The following SRPK3 variants were observed in gnomAD, a reference collection of about 807,000 sequenced individuals.
SRPK3 encodes the protein SRSF protein kinase 3.
SRPK3 carries 26 observed loss-of-function variants against 45.3 expected under a neutral mutation model. The ratio of observed to expected loss-of-function variants is 0.57; its 90% CI spans 0.42 to 0.80. The LOEUF (loss-of-function observed/expected upper bound fraction) is 0.80. Ranked by LOEUF, SRPK3 falls within the 30% of genes least tolerant of loss-of-function variation. SRPK3 has a pLI of 0.00. For synonymous variants in SRPK3, 254 were observed against 226.6 expected (o/e 1.12, Z -1.09); for missense variants, 536 against 514.5 (o/e 1.04, Z -0.40).
At chrX:153,781,470 C>A (rs1454675157) in intron 2 of SRPK3, 35 bp from the exon 3 acceptor site, 4 of 1,190,602 alleles carry the variant, frequency 3.4e-6, no homozygotes, top group Middle Eastern at 2.6e-4. Context: ...GGAGTGAGAA[C>A]CCCCTCCACC....
In SRPK3 at chrX:153,781,131, C is replaced by A. The variant is rs782623262; in HGVS notation, c.45C>A (p.Gly15=). The part of the protein sequence containing the change: ...TGGGGDSGGS[G]GSSSSSQASC... ...GTGGTGGGGACAGCGGCGGCAGCGGCGGCAGTAGCAGCAGGTAGGGCTCGG... is the reference window on the plus strand; with the variant it reads ...GTGGTGGGGACAGCGGCGGCAGCGGAGGCAGTAGCAGCAGGTAGGGCTCGG... Residue 15 remains glycine, a synonymous_variant, in exon 1 of 15, where the codon GGC becomes GGA. Transcript: ENST00000370101. 5.8e-4 allele frequency: 665 copies of A among 1,153,051 alleles called. 11 individuals carry two copies. The East Asian group carries it at 0.022, about 38-fold the overall frequency.
rs782104598 is a variant in SRPK3, at chrX:153,781,077, C to T, written c.-10C>T. ...CCCGGGGCACCGGAGCTGCGGGCTG[C>T]GTGGCCGGGATGAGCGCCAGCACGG... is the stretch of plus-strand genomic sequence containing the variant. On this transcript the variant is annotated 5_prime_UTR_variant, in exon 1 of 15. Transcript: ENST00000370101. The T allele has an allele frequency of 3.2e-5, 34 of 1,061,128 alleles. No individual in the cohort carries two copies. Among genetic ancestry groups the T allele is most frequent in the Admixed American group, 1.3e-4 (3 of 23,241 alleles). 87.4% of individuals were successfully genotyped at this position (1,061,128 alleles called of 1,213,427 possible).
In SRPK3 at chrX:153,783,881, G is replaced by A; in HGVS notation, c.904G>A (p.Glu302Lys). Residue 302 changes from glutamate (E) to lysine (K), a missense_variant, in exon 9 of 15, where the codon GAG (glutamate) becomes AAG (lysine). Physicochemically the swap from Glu to Lys is moderately conservative, Grantham distance 56 (BLOSUM62 1). Transcript: ENST00000370101. The part of the protein sequence containing the change: ...LEAMEAATQA[E>K]DSGLRLDGGS... The stretch of plus-strand genomic sequence containing the variant: ...GGCCATGGAGGCTGCCACCCAGGCT[G>A]AGGGTGAGGGGCCACAGAGGGTGAT... The A allele has an allele frequency of 8.4e-7, 1 of 1,189,784 alleles. No homozygotes were observed. The highest frequency in any genetic ancestry group is 1.1e-6 in the Non-Finnish European group (1 of 885,118).
intron 9 of SRPK3, 32 bp downstream of exon 9, chrX:153,783,916 A>G (rs2092067854): frequency 8.4e-7 from 1 of 1,190,103 alleles, no homozygotes; most frequent in Non-Finnish European, 1.1e-6. Context: ...TGGGCCGTGG[A>G]GCGCAGCAAA....
chrX:153,781,906 C>T lies in SRPK3; in HGVS notation c.387+76C>T, dbSNP rs782705409. Reference sequence around the variant, plus strand: ...CTGGCAATGCGGGTGCAAGGCCTGCCGGGGCTCTGTGGGGCAGGGCGGGGC... The same window carrying T: ...CTGGCAATGCGGGTGCAAGGCCTGCTGGGGCTCTGTGGGGCAGGGCGGGGC... On this transcript the variant is annotated intron_variant, in intron 4 of 14. Coordinates refer to ENST00000370101, the MANE Select transcript of SRPK3 (RefSeq NM_014370.4). 321 of 1,124,923 alleles carry T rather than the reference C, an allele frequency of 2.9e-4. 2 individuals are homozygous for T. In the African/African-American group the frequency reaches 4.9e-3, roughly 17 times the overall value. 92.7% of individuals were successfully genotyped at this position (1,124,923 alleles called of 1,213,427 possible).
In SRPK3 at chrX:153,782,120, G is replaced by T; in HGVS notation, c.388-1G>T. 1 of 1,210,853 alleles carries T rather than the reference G, an allele frequency of 8.3e-7. No individual in the cohort carries two copies. Among genetic ancestry groups the T allele is most frequent in the Non-Finnish European group, 1.1e-6 (1 of 894,708 alleles). ...CTGTGGCCCCTTGGCTTTTGCTCCA[G>T]GTCCGGGACAGCGACCCCAGTGACC... On this transcript the variant is annotated splice_acceptor_variant, in intron 4 of 14. Transcript: ENST00000370101. LOFTEE classifies it high-confidence loss of function.
At chrX:153,782,530 C>A (rs1557067271) in intron 5 of SRPK3, among the ~76,000 whole-genome samples, 1 of 113,580 alleles carries the variant, frequency 8.8e-6, no homozygotes, top group Non-Finnish European at 1.9e-5. Context: ...GGCCTCTGTG[C>A]CTGCTCCTCC....
chrX:153,784,242 C>T (rs1557068120), intron 10 of SRPK3, 29 bp downstream of exon 10: 6 of 1,210,529 alleles, frequency 5.0e-6, no homozygotes, highest in Non-Finnish European at 6.7e-6. Context: ...GGTGGGCAGG[C>T]AGGGCTGGCA....
rs1269568822 is a variant in SRPK3 at position 153,781,128 on chromosome X, C to T, written c.42C>T (p.Ser14=). The change falls in exon 1 of 15, where the codon AGC becomes AGT. Residue 14 remains serine (S), a synonymous_variant. Coordinates refer to ENST00000370101, the MANE Select transcript of SRPK3 (RefSeq NM_014370.4). The stretch of plus-strand genomic sequence containing the variant: ...GCGGTGGTGGGGACAGCGGCGGCAG[C>T]GGCGGCAGTAGCAGCAGGTAGGGCT... ...STGGGGDSGG[S]GGSSSSSQAS... 9 of 1,150,909 alleles carry T rather than the reference C, an allele frequency of 7.8e-6. No homozygotes were observed. Among genetic ancestry groups the T allele is most frequent in the African/African-American group, 3.6e-5 (2 of 55,474 alleles). The allele number at this position is 1,150,909 out of a possible 1,213,427, so 94.8% of individuals were successfully genotyped here.
At chrX:153,783,727 C>A (rs1557067774) in intron 8 of SRPK3, 25 bp from the exon 9 acceptor site, 2 of 1,208,341 alleles carry the variant, frequency 1.7e-6, no homozygotes, top group Admixed American at 2.2e-5. Context: ...CGACAGGAAC[C>A]CTGGGGTGAC....
rs1557068758 is a variant in SRPK3 at position 153,785,444 on chromosome X, T to A, written c.1628T>A (p.Leu543Gln). Reference protein sequence around the residue: ...EQATQFSAFLLPMMEYIPEKR... With the variant: ...EQATQFSAFLQPMMEYIPEKR... ...GCCACACAGTTCAGCGCCTTTCTGC[T>A]GCCCATGATGGAGTACATCCCCGAA... is the stretch of plus-strand genomic sequence containing the variant. The change falls in exon 15 of 15, where the codon CTG becomes CAG. Residue 543 changes from leucine to glutamine, a missense_variant. By Grantham distance (113) the Leu-to-Gln change is moderately radical. Coordinates refer to ENST00000370101, the MANE Select transcript of SRPK3 (RefSeq NM_014370.4). 2 of 1,210,300 alleles carry A rather than the reference T, an allele frequency of 1.7e-6. No individual in the cohort carries two copies. The highest frequency in any genetic ancestry group is 2.3e-4 in the Middle Eastern group (1 of 4,351).
At chrX:153,783,430 C>T (rs1260149714) in intron 8 of SRPK3, among the ~76,000 whole-genome samples, 179 bp downstream of exon 8, 1 of 112,698 alleles carries the variant, frequency 8.9e-6, no homozygotes, top group African/African-American at 3.2e-5. Context: ...CCCCAAACTG[C>T]TCTTGGTGAA....
intron 5 of SRPK3, 151 bp downstream of exon 5, chrX:153,782,359 A>G: frequency 2.1e-6 from 1 of 478,480 alleles, no homozygotes; most frequent in South Asian, 3.1e-5. Flanking sequence ...CCCCCAGGTA[A>G]CTGTGTTTAC....
chrX:153,783,571 G>A (rs1300194554), intron 8 of SRPK3, among the ~76,000 whole-genome samples, 181 bp from the exon 9 acceptor site: 1 of 112,617 alleles, frequency 8.9e-6, no homozygotes, highest in Non-Finnish European at 1.9e-5. Context: ...GGGGCCACAG[G>A]CGGGGAGGCA....
rs1035907731 is a variant in SRPK3, at chrX:153,784,632, G to A, written c.1249-118G>A. ...CCCTCTTGGAGGACCTGGGGACCCCGAGGCTCACAGCAAACCCCACTGAGC... is the reference window on the plus strand; with the variant it reads ...CCCTCTTGGAGGACCTGGGGACCCCAAGGCTCACAGCAAACCCCACTGAGC... On this transcript the variant is annotated intron_variant, in intron 11 of 14. Coordinates refer to ENST00000370101, the MANE Select transcript of SRPK3 (RefSeq NM_014370.4). The A allele has an allele frequency of 1.4e-4, 125 of 923,352 alleles. No individual in the cohort carries two copies. The Middle Eastern group carries it at 1.8e-3, about 14-fold the overall frequency. The allele number at this position is 923,352 out of a possible 1,213,427, so 76.1% of individuals were successfully genotyped here.
intron 9 of SRPK3, 23 bp downstream of exon 9, chrX:153,783,907 GGGCC>G (rs1462018958): frequency 6.7e-6 from 8 of 1,187,567 alleles, no homozygotes; most frequent in Non-Finnish European, 9.0e-6. Context: ...AGAGGGTGAT[GGGCC>G]GTGGAGCGCA....
chrX:153,781,398 G>T, intron 2 of SRPK3, 52 bp downstream of exon 2: 1 of 1,170,657 alleles, frequency 8.5e-7, no homozygotes, highest in Non-Finnish European at 1.1e-6. Context: ...CAGGGACCCA[G>T]GGCAGTCCTG....
Position 153,781,246 on chromosome X carries a change from G to C in SRPK3, c.90G>C (p.Ser30=), listed in dbSNP as rs1265704518. The change falls in exon 2 of 15, where the codon TCG becomes TCC. Residue 30 remains serine (S), a synonymous_variant. Coordinates refer to ENST00000370101, the MANE Select transcript of SRPK3 (RefSeq NM_014370.4). ...AGGCCTCCTGCGGGCCCGAGTCCTC[G>C]GGCTCCGAACTAGCCCTGGCCACAC... The part of the protein sequence containing the change: ...SSQASCGPES[S]GSELALATPV... 1.7e-6 allele frequency: 2 copies of C among 1,207,794 alleles called. No homozygotes were observed. Among genetic ancestry groups the C allele is most frequent in the Non-Finnish European group, 2.2e-6 (2 of 894,198 alleles).
rs782586390 is a variant in SRPK3, at chrX:153,783,039, G to C, written c.669G>C (p.Gly223=). 1 of 1,182,816 alleles carries C rather than the reference G, an allele frequency of 8.5e-7. No individual in the cohort carries two copies. The highest frequency in any genetic ancestry group is 1.9e-5 in the South Asian group (1 of 52,228). The change falls in exon 7 of 15, where the codon GGG becomes GGC. Residue 223 remains glycine (G), a synonymous_variant. Coordinates refer to ENST00000370101, the MANE Select transcript of SRPK3 (RefSeq NM_014370.4). ...CCGAGAACATCTTGCTGTGTGTGGG[G>C]GACGCTTACATCAGGCGCCTGGCTG... ...IKPENILLCV[G]DAYIRRLAAE... is the part of the protein sequence containing the mutation.
Sources: allele counts gnomAD v4.1 joint callset (sites outside exome capture counted in the v4.1 genomes callset), GRCh38; gene constraint gnomAD v4.1.1; transcripts MANE v1.5; gene names NCBI Gene and HGNC (gene_info 2026-07-23, HGNC 2026-07-21).